Variants in ANKS1A observed in about 807,000 individuals in gnomAD.
The protein encoded by ANKS1A is ankyrin repeat and SAM domain-containing protein 1A.
ANKS1A carries 55 observed loss-of-function variants against 120.3 expected under a neutral mutation model. The ratio of observed to expected loss-of-function variants is 0.46; its 90% CI spans 0.37 to 0.57. ANKS1A has a LOEUF of 0.57. ANKS1A is among the 20% of genes least tolerant of loss of function. The probability of loss-of-function intolerance (pLI) is 0.00; values close to 1 mark genes in which losing one functional copy is unlikely to be tolerated. For synonymous variants in ANKS1A, 590 were observed against 604.7 expected (o/e 0.98, Z 0.36); for missense variants, 1,123 against 1,480.3 (o/e 0.76, Z 3.96).
chr6:35,013,472 G>A (rs984918552), intron 10 of ANKS1A, among the ~76,000 whole-genome samples: 2 of 151,728 alleles, frequency 1.3e-5, no homozygotes, highest in Non-Finnish European at 2.9e-5. Context: ...TTTTTAAATT[G>A]TTTATAGAGA....
chr6:35,071,611 G>A (rs1777090152), intron 13 of ANKS1A, among the ~76,000 whole-genome samples: 1 of 152,098 alleles, frequency 6.6e-6, no homozygotes, highest in Non-Finnish European at 1.5e-5. Context: ...GGTCCATTCA[G>A]TTTCCTGGGG....
intron 23 of ANKS1A, among the ~76,000 whole-genome samples, chr6:35,087,543 C>T (rs1778061207): frequency 6.6e-6 from 1 of 152,212 alleles, no homozygotes; most frequent in Non-Finnish European, 1.5e-5. Context: ...CCTGAACCAA[C>T]CAACCACTGT....
chr6:34,923,716 G>A (rs1768557567), intron 1 of ANKS1A, among the ~76,000 whole-genome samples: 1 of 152,188 alleles, frequency 6.6e-6, no homozygotes, highest in African/African-American at 2.4e-5. Flanking sequence ...GGGAGATAGA[G>A]CCTGAGAAGA....
intron 1 of ANKS1A, among the ~76,000 whole-genome samples, chr6:34,913,737 G>A (rs1768014859): frequency 6.6e-6 from 1 of 151,820 alleles, no homozygotes; most frequent in African/African-American, 2.4e-5. Flanking sequence ...TGGTTTAAGT[G>A]TTTCTCATGC....
At position 34,963,441 on chromosome 6, in the gene ANKS1A, A is replaced by C. The variant is rs1328179903; in HGVS notation, c.198-3798A>C. Among the ~76,000 whole-genome samples, 3 of 152,180 alleles carry C rather than the reference A, an allele frequency of 2.0e-5. No homozygotes were observed. In the East Asian group the frequency reaches 5.8e-4, roughly 29 times the overall value. On this transcript the variant is annotated intron_variant, in intron 1 of 23. Coordinates refer to ENST00000360359, the MANE Select transcript of ANKS1A (RefSeq NM_015245.3). Reference sequence around the variant, plus strand: ...CTCTAGGTTGATAAATGTTATTACAAATGACAGGATTTTCCTTCCTTTCCT... The same window carrying C: ...CTCTAGGTTGATAAATGTTATTACACATGACAGGATTTTCCTTCCTTTCCT...
At chr6:35,072,847 C>G (rs1338420895) in intron 13 of ANKS1A, among the ~76,000 whole-genome samples, 1 of 152,192 alleles carries the variant, frequency 6.6e-6, no homozygotes, top group African/African-American at 2.4e-5. Context: ...GACGGGTGTC[C>G]TGCTCCTGCT....
At chr6:34,928,385 G>A (rs957790261) in intron 1 of ANKS1A, among the ~76,000 whole-genome samples, 1 of 152,150 alleles carries the variant, frequency 6.6e-6, no homozygotes, top group African/African-American at 2.4e-5. Context: ...GTCACGGAAG[G>A]CTGTAATTTT....
At chr6:34,969,933 G>A in intron 2 of ANKS1A, 77 bp from the exon 3 acceptor site, 1 of 1,521,312 alleles carries the variant, frequency 6.6e-7, no homozygotes, top group Non-Finnish European at 8.9e-7. Flanking sequence ...AGGGCTTTGT[G>A]CCATATAGGT....
At chr6:35,059,366 G>A (rs116368007) in intron 12 of ANKS1A, among the ~76,000 whole-genome samples, 194 of 152,360 alleles carry the variant, frequency 1.3e-3, no homozygotes, top group African/African-American at 4.5e-3. Flanking sequence ...TGACCCCCGA[G>A]CCCCGGCCCA....
chr6:35,013,027 G>A (rs1408886657), intron 10 of ANKS1A, among the ~76,000 whole-genome samples: 3 of 152,156 alleles, frequency 2.0e-5, no homozygotes, highest in African/African-American at 7.2e-5. Context: ...CTGAGCTCAA[G>A]TGATCCTCCT....
chr6:34,913,258 C>G (rs75722984), intron 1 of ANKS1A, among the ~76,000 whole-genome samples: 4 of 152,188 alleles, frequency 2.6e-5, no homozygotes, highest in Non-Finnish European at 4.4e-5. Context: ...GTAATAGTGA[C>G]TGAGCTGAAG....
intron 10 of ANKS1A, among the ~76,000 whole-genome samples, chr6:34,995,982 G>A (rs2127540080): frequency 6.6e-6 from 1 of 152,264 alleles, no homozygotes; most frequent in Admixed American, 6.5e-5. Flanking sequence ...TATATAATAT[G>A]TTTAACTTTA....
At chr6:35,053,574 G>C (rs146859228) in intron 11 of ANKS1A, among the ~76,000 whole-genome samples, 1 of 152,204 alleles carries the variant, frequency 6.6e-6, no homozygotes, top group African/African-American at 2.4e-5. Flanking sequence ...GTATGCAGGC[G>C]CTCTAGAAAT....
chr6:35,037,567 C>A (rs920607482), intron 11 of ANKS1A, among the ~76,000 whole-genome samples: 2 of 152,144 alleles, frequency 1.3e-5, no homozygotes. Context: ...CTGGGAGACT[C>A]AAATTTACTT....
intron 1 of ANKS1A, among the ~76,000 whole-genome samples, chr6:34,922,363 G>A (rs1768480682): frequency 6.6e-6 from 1 of 152,172 alleles, no homozygotes; most frequent in Non-Finnish European, 1.5e-5. Context: ...TCTGGCACCA[G>A]AGGTCACATT....
rs185831849 is a variant in ANKS1A at position 34,996,619 on chromosome 6, C to T, written c.1423+2197C>T. ...TCCCGAGTAGCTGAGTCCACAGGCGCGTGCTACCACGCCCAGCTAATTTTT... is the reference window on the plus strand; with the variant it reads ...TCCCGAGTAGCTGAGTCCACAGGCGTGTGCTACCACGCCCAGCTAATTTTT... On this transcript the variant is annotated intron_variant, in intron 10 of 23. Transcript: ENST00000360359. 6.2e-3 allele frequency among the ~76,000 whole-genome samples: 941 copies of T among 152,150 alleles called. 8 individuals are homozygous for T. The highest frequency in any genetic ancestry group is 0.019 in the African/African-American group (770 of 41,504).
Position 34,982,081 on chromosome 6 carries a change from A to G in ANKS1A, c.732+95A>G. 7.0e-7 allele frequency: 1 copy of G among 1,437,600 alleles called. No homozygotes were observed. The allele number at this position is 1,437,600 out of a possible 1,614,324, so 89.1% of individuals were successfully genotyped here. A position where few individuals can be genotyped will look rare whatever the true frequency, so the allele number is the denominator to read the frequency against. ...TGCTGCTGGGCTGTGCTCTTTATTT[A>G]GCACGTTTCACATCATGTTTCAAAT... On this transcript the variant is annotated intron_variant, in intron 4 of 23. Transcript: ENST00000360359. This position sits in a 1 kb window ranked among gnomAD's most constrained non-coding sequence, Gnocchi z 4.9.
intron 10 of ANKS1A, among the ~76,000 whole-genome samples, chr6:34,998,216 C>G (rs983285160): frequency 2.6e-5 from 4 of 152,184 alleles, no homozygotes; most frequent in Non-Finnish European, 5.9e-5. Flanking sequence ...ATTACTGAAT[C>G]TTTTCTGTAT....
intron 11 of ANKS1A, chr6:35,023,818 T>C (rs1774474339): frequency 1.6e-5 from 4 of 242,828 alleles, no homozygotes; most frequent in Non-Finnish European, 3.4e-5. Context: ...TTGGAAAGAA[T>C]GCAGACAGAA....
Sources: allele counts gnomAD v4.1 joint callset (sites outside exome capture counted in the v4.1 genomes callset), GRCh38; gene constraint gnomAD v4.1.1; non-coding constraint Gnocchi (gnomAD v3.1); transcripts MANE v1.5; gene names NCBI Gene and HGNC (gene_info 2026-07-23, HGNC 2026-07-21).